CHST11: variants seen among roughly 807,000 people sequenced by gnomAD.
CHST11 encodes C4S-1.
CHST11 carries 9 observed loss-of-function variants against 30.4 expected under a neutral mutation model. The observed-to-expected ratio is 0.30, with a 90% CI of 0.18 to 0.52. The LOEUF is 0.52. Among genes scored for constraint, CHST11 ranks in the 20% least tolerant of loss-of-function variants. The pLI, the probability that CHST11 is intolerant of heterozygous loss-of-function variation, is 0.97. For synonymous variants in CHST11, 152 were observed against 187.8 expected, an observed-to-expected ratio of 0.81 and a Z score of 1.56; for missense variants, 348 against 460.6, an observed-to-expected ratio of 0.76 and a Z score of 2.24.
chr12:104,612,678 A>T (rs190592419), intron 2 of CHST11, among the ~76,000 whole-genome samples: 1 of 152,332 alleles, frequency 6.6e-6, no homozygotes, highest in East Asian at 1.9e-4. Context: ...TTCTGTTAGC[A>T]AAGATAAAGG....
intron 1 of CHST11, among the ~76,000 whole-genome samples, chr12:104,502,071 C>T (rs543303060): frequency 6.6e-6 from 1 of 151,888 alleles, no homozygotes; most frequent in East Asian, 1.9e-4. Flanking sequence ...CTTTGTCACC[C>T]AGGCTGGAGT....
At position 104,476,247 on chromosome 12, in the gene CHST11, CATATATGTA is replaced by C. The variant is rs535004038; in HGVS notation, c.118+18732_118+18740del. Among the ~76,000 whole-genome samples the C allele has an allele frequency of 1.9e-3, 287 of 148,246 alleles. 1 individual carries two copies. The highest frequency in any genetic ancestry group is 5.3e-3 in the African/African-American group (213 of 40,476). ...GTTATATGTAATAGCATATGTTACA[CATATATGTA>C]ATATATGTAATATGTACACATGTAG... On this transcript the variant is annotated intron_variant, in intron 1 of 2. Coordinates refer to ENST00000303694, the MANE Select transcript of CHST11 (RefSeq NM_018413.6).
chr12:104,716,612 C>T (rs906673826), intron 2 of CHST11, among the ~76,000 whole-genome samples: 2 of 152,158 alleles, frequency 1.3e-5, no homozygotes, highest in African/African-American at 2.4e-5. Context: ...TGCTGTGTCC[C>T]AAGGAAAGTT....
At chr12:104,674,486 C>G (rs1223232190) in intron 2 of CHST11, among the ~76,000 whole-genome samples, 3 of 152,204 alleles carry the variant, frequency 2.0e-5, no homozygotes, top group Non-Finnish European at 4.4e-5. Context: ...TCAGTAACTT[C>G]TTGTCCAGTA....
chr12:104,477,848 T>C (rs979808057), intron 1 of CHST11, among the ~76,000 whole-genome samples: 1 of 152,148 alleles, frequency 6.6e-6, no homozygotes. Context: ...TGCTCTGCAG[T>C]TGGAAAGACA....
At chr12:104,488,629 GTGTGTGTGCGTGTGTA>G (rs2037711969) in intron 1 of CHST11, among the ~76,000 whole-genome samples, 2 of 74,948 alleles carry the variant, frequency 2.7e-5, no homozygotes, top group Admixed American at 1.4e-4. Flanking sequence ...GTGCATGTAT[GTGTGTGTGCGTGTGTA>G]TGTGTGTGTG....
intron 1 of CHST11, among the ~76,000 whole-genome samples, chr12:104,591,144 G>A (rs1398558401): frequency 1.3e-5 from 2 of 151,536 alleles, no homozygotes; most frequent in African/African-American, 4.9e-5. Flanking sequence ...TTTGGAGAAA[G>A]AGCAAGATGA....
chr12:104,512,125 A>C (rs2037971466), intron 1 of CHST11, among the ~76,000 whole-genome samples: 1 of 152,216 alleles, frequency 6.6e-6, no homozygotes, highest in Non-Finnish European at 1.5e-5. Flanking sequence ...GTAGATGCAG[A>C]ACCTGAAGTT....
intron 2 of CHST11, among the ~76,000 whole-genome samples, chr12:104,604,517 G>C (rs2038984906): frequency 1.3e-5 from 2 of 152,208 alleles, no homozygotes; most frequent in Non-Finnish European, 2.9e-5. Flanking sequence ...CATTTGGGCT[G>C]CTGTGGGCCA....
chr12:104,662,474 A>G (rs573821118), intron 2 of CHST11, among the ~76,000 whole-genome samples: 76 of 152,282 alleles, frequency 5.0e-4, no homozygotes, highest in African/African-American at 1.8e-3. Context: ...TGACTTGGGT[A>G]AATATTAGCC....
At chr12:104,479,926 G>C (rs1019229437) in intron 1 of CHST11, among the ~76,000 whole-genome samples, 2 of 152,182 alleles carry the variant, frequency 1.3e-5, no homozygotes, top group African/African-American at 4.8e-5. Flanking sequence ...ATTCCCCTTG[G>C]ATCCATCACT....
At chr12:104,484,678 T>A (rs2037659601) in intron 1 of CHST11, among the ~76,000 whole-genome samples, 1 of 152,206 alleles carries the variant, frequency 6.6e-6, no homozygotes, top group Non-Finnish European at 1.5e-5. Context: ...ATCACCCTAG[T>A]GGAGGATCAG....
rs574522642 is a variant in CHST11, at chr12:104,518,414, T to G, written c.118+60885T>G. Among the ~76,000 whole-genome samples, 17 of 152,308 alleles carry G rather than the reference T, an allele frequency of 1.1e-4. No individual in the cohort carries two copies. In the South Asian group the frequency reaches 2.9e-3, roughly 26 times the overall value. ...TGCTGTATTTCCTTCACTAATTATATGGGCTCGGTAAGGGATATTCAGAGG... is the reference window on the plus strand; with the variant it reads ...TGCTGTATTTCCTTCACTAATTATAGGGGCTCGGTAAGGGATATTCAGAGG... On this transcript the variant is annotated intron_variant, in intron 1 of 2. Transcript: ENST00000303694.
At position 104,760,374 on chromosome 12, in the gene CHST11, C is replaced by G. The variant is rs1232201282; in HGVS notation, c.*2571C>G. 6.6e-6 allele frequency: 1 copy of G among 152,054 alleles called. No individual in the cohort carries two copies. Among genetic ancestry groups the G allele is most frequent in the African/African-American group, 2.4e-5 (1 of 41,372 alleles). The allele number at this position is 152,054 out of a possible 1,614,324, so 9.4% of individuals were successfully genotyped here. A position where few individuals can be genotyped will look rare whatever the true frequency, so the allele number is the denominator to read the frequency against. ...TACTGCCACGGACTACAATTCTATC[C>G]CTCCCAGAGGGAGTGGAGGAAGTCT... On this transcript the variant is annotated 3_prime_UTR_variant, in exon 3 of 3. Transcript: ENST00000303694.
intron 2 of CHST11, among the ~76,000 whole-genome samples, chr12:104,741,347 G>A (rs560814836): frequency 1.3e-5 from 2 of 152,196 alleles, no homozygotes; most frequent in Non-Finnish European, 2.9e-5. Context: ...TCTCTCTTGG[G>A]GGAGGACCAG....
intron 1 of CHST11, among the ~76,000 whole-genome samples, chr12:104,496,855 A>G (rs1225973940): frequency 6.6e-6 from 1 of 152,216 alleles, no homozygotes; most frequent in Non-Finnish European, 1.5e-5. Context: ...AGAAATCCAC[A>G]AGAATTTGCC....
At chr12:104,481,164 A>T (rs1277472538) in intron 1 of CHST11, among the ~76,000 whole-genome samples, 1 of 152,204 alleles carries the variant, frequency 6.6e-6, no homozygotes, top group Non-Finnish European at 1.5e-5. Flanking sequence ...TGCACCCAGA[A>T]GAGAAACCCA....
intron 2 of CHST11, among the ~76,000 whole-genome samples, chr12:104,630,358 A>G (rs978783098): frequency 6.6e-6 from 1 of 152,216 alleles, no homozygotes; most frequent in Non-Finnish European, 1.5e-5. Context: ...TTTGTTGTAA[A>G]GGTTAAACAA....
intron 1 of CHST11, among the ~76,000 whole-genome samples, chr12:104,578,928 A>C (rs1033169605): frequency 2.0e-5 from 3 of 152,232 alleles, no homozygotes; most frequent in African/African-American, 7.2e-5. Context: ...AAGCTGGATT[A>C]ATTAACTCAC....
Sources: gnomAD v4.1 joint callset for allele counts (sites outside exome capture counted in the v4.1 genomes callset) on GRCh38, gnomAD v4.1.1 for gene constraint, MANE v1.5 for transcripts, NCBI Gene and HGNC (gene_info 2026-07-23, HGNC 2026-07-21) for gene names.